The following CBLN2 variants were observed in gnomAD, a reference collection of about 807,000 sequenced individuals.
CBLN2 encodes cerebellin-2.
CBLN2 carries 7 observed loss-of-function variants against 15.0 expected under a neutral mutation model. That is an observed-to-expected ratio of 0.47 (90% CI 0.27 to 0.88). The LOEUF is 0.88. Among genes scored for constraint, CBLN2 ranks in the 40% least tolerant of loss-of-function variants. CBLN2 has a pLI of 0.14. For missense variants in CBLN2, 242 were observed against 304.5 expected, an observed-to-expected ratio of 0.79 and a Z score of 1.53; for synonymous variants, 149 against 135.2, an observed-to-expected ratio of 1.10 and a Z score of -0.71.
intron 1 of CBLN2, among the ~76,000 whole-genome samples, chr18:72,601,061 C>G (rs540737341): frequency 6.6e-6 from 1 of 152,312 alleles, no homozygotes; most frequent in South Asian, 2.1e-4. Context: ...GGCTGGTTAT[C>G]ATTTAACTAT....
chr18:72,598,695 C>G (rs891277255), intron 1 of CBLN2, among the ~76,000 whole-genome samples: 1 of 152,178 alleles, frequency 6.6e-6, no homozygotes, highest in African/African-American at 2.4e-5. Context: ...AGCATTTTAG[C>G]TCATGGTGGC....
At chr18:72,593,692 A>C (rs563602111) in intron 1 of CBLN2, among the ~76,000 whole-genome samples, 35 of 152,250 alleles carry the variant, frequency 2.3e-4, no homozygotes, top group African/African-American at 6.7e-4. Context: ...TTCTATACCC[A>C]GTTCTTTGAG....
chr18:72,569,194 T>C (rs1266599799), intron 1 of CBLN2, among the ~76,000 whole-genome samples: 2 of 152,218 alleles, frequency 1.3e-5, no homozygotes, highest in Non-Finnish European at 2.9e-5. Context: ...ATTGACATTT[T>C]AGGCAAAATT....
chr18:72,591,851 G>A (rs2069481879), intron 1 of CBLN2, among the ~76,000 whole-genome samples: 1 of 152,040 alleles, frequency 6.6e-6, no homozygotes, highest in Non-Finnish European at 1.5e-5. Context: ...ATGGCAGAAT[G>A]GTACTCCATT....
intron 1 of CBLN2, among the ~76,000 whole-genome samples, chr18:72,634,959 A>C (rs766443911): frequency 6.6e-6 from 1 of 152,132 alleles, no homozygotes; most frequent in Non-Finnish European, 1.5e-5. Flanking sequence ...AATTGACCAA[A>C]GACATGCTTC....
chr18:72,542,494 C>A (rs935701842), intron 2 of CBLN2, among the ~76,000 whole-genome samples, 168 bp from the exon 3 acceptor site: 1 of 151,866 alleles, frequency 6.6e-6, no homozygotes, highest in African/African-American at 2.4e-5. Flanking sequence ...TCCGGAGAAA[C>A]GCCCGGGCGC....
chr18:72,549,400 G>A (rs1382413768), intron 1 of CBLN2, among the ~76,000 whole-genome samples: 1 of 152,148 alleles, frequency 6.6e-6, no homozygotes, highest in Non-Finnish European at 1.5e-5. Flanking sequence ...TTCTATTCTT[G>A]TGGGAATATT....
At chr18:72,579,013 C>A (rs915709790) in intron 1 of CBLN2, among the ~76,000 whole-genome samples, 6 of 152,128 alleles carry the variant, frequency 3.9e-5, no homozygotes, top group African/African-American at 1.4e-4. Context: ...TGTCACCAAG[C>A]CTTAGTCTAA....
At chr18:72,551,952 G>A (rs1485494184) in intron 1 of CBLN2, among the ~76,000 whole-genome samples, 2 of 152,118 alleles carry the variant, frequency 1.3e-5, no homozygotes, top group Non-Finnish European at 2.9e-5. Flanking sequence ...ATATCAAAAA[G>A]TTAACTACTG....
chr18:72,610,222 C>G (rs1170618494), intron 1 of CBLN2, among the ~76,000 whole-genome samples: 2 of 152,142 alleles, frequency 1.3e-5, no homozygotes, highest in Non-Finnish European at 1.5e-5. Flanking sequence ...TCCCCCATCT[C>G]TCTTCCACCC....
In CBLN2 at chr18:72,577,829, A is replaced by G. The variant is rs2069377996; in HGVS notation, c.16-39057T>C. Among the ~76,000 whole-genome samples, 4 of 152,236 alleles carry G rather than the reference A, an allele frequency of 2.6e-5. No homozygotes were observed. In the South Asian group the frequency reaches 8.3e-4, roughly 31 times the overall value. Reference sequence around the variant, plus strand: ...ACTGAATATGATGAGCATTTGTAGCATAATAGTTTGTACTAAGAATTATAC... The same window carrying G: ...ACTGAATATGATGAGCATTTGTAGCGTAATAGTTTGTACTAAGAATTATAC... On this transcript the variant is annotated intron_variant, in intron 1 of 2. Coordinates refer to the CBLN2 transcript ENST00000581073.
At chr18:72,581,590 A>G (rs1201003023) in intron 1 of CBLN2, among the ~76,000 whole-genome samples, 1 of 152,154 alleles carries the variant, frequency 6.6e-6, no homozygotes, top group Non-Finnish European at 1.5e-5. Flanking sequence ...TGTTCTCATG[A>G]GTTTTCTCTC....
intron 1 of CBLN2, among the ~76,000 whole-genome samples, chr18:72,585,119 A>C (rs1041994995): frequency 6.6e-6 from 1 of 152,176 alleles, no homozygotes; most frequent in Non-Finnish European, 1.5e-5. Flanking sequence ...ACAGAGCCCC[A>C]AAAAGGGTGT....
intron 1 of CBLN2, among the ~76,000 whole-genome samples, chr18:72,606,335 G>A (rs1219968739): frequency 6.6e-6 from 1 of 152,156 alleles, no homozygotes; most frequent in Non-Finnish European, 1.5e-5. Context: ...ACAGGTTAAT[G>A]ACAGATTGGC....
chr18:72,603,013 T>G (rs1364182650), intron 1 of CBLN2, among the ~76,000 whole-genome samples: 1 of 152,238 alleles, frequency 6.6e-6, no homozygotes, highest in African/African-American at 2.4e-5. Flanking sequence ...GCCTAAGCGA[T>G]TCCATCATCT....
intron 1 of CBLN2, among the ~76,000 whole-genome samples, chr18:72,617,987 T>A (rs1474417109): frequency 1.3e-5 from 2 of 152,172 alleles, no homozygotes; most frequent in Non-Finnish European, 2.9e-5. Context: ...TTTTAGAAAG[T>A]TATCAGAAAG....
intron 1 of CBLN2, among the ~76,000 whole-genome samples, chr18:72,625,810 C>CTATATA (rs771321456): frequency 6.9e-3 from 463 of 67,562 alleles, no homozygotes; most frequent in Non-Finnish European, 0.01. Context: ...CTCTCTCTCT[C>CTATATA]TCTCTCTCTA....
intron 1 of CBLN2, among the ~76,000 whole-genome samples, chr18:72,553,818 T>G (rs1291980075): frequency 6.6e-6 from 1 of 152,112 alleles, no homozygotes. Flanking sequence ...GTGACAAAAA[T>G]CATCAGACTA....
chr18:72,600,382 A>G (rs1295959247), intron 1 of CBLN2, among the ~76,000 whole-genome samples: 1 of 152,194 alleles, frequency 6.6e-6, no homozygotes, highest in South Asian at 2.1e-4. Context: ...GAAGACAGTC[A>G]GGGGAATCAA....
Sources: gnomAD v4.1 joint callset for allele counts (sites outside exome capture counted in the v4.1 genomes callset) on GRCh38, gnomAD v4.1.1 for gene constraint, MANE v1.5 for transcripts, NCBI Gene and HGNC (gene_info 2026-07-23, HGNC 2026-07-21) for gene names.